SUPT3H: variants seen among roughly 807,000 people sequenced by gnomAD.
SUPT3H encodes transcription initiation protein SPT3 homolog.
Under a neutral mutation model 44.3 loss-of-function variants are expected in SUPT3H, and 44 were observed. The observed-to-expected ratio is 0.99, with a 90% CI of 0.78 to 1.28. SUPT3H has a LOEUF of 1.28. SUPT3H is among the 50% of genes most tolerant of loss of function. SUPT3H has a pLI of 0.00. For synonymous variants in SUPT3H, 124 were observed against 125.6 expected, an observed-to-expected ratio of 0.99 and a Z score of 0.09; for missense variants, 380 against 387.1, an observed-to-expected ratio of 0.98 and a Z score of 0.15.
intron 2 of SUPT3H, among the ~76,000 whole-genome samples, chr6:45,317,499 A>G (rs912911733): frequency 2.6e-5 from 4 of 152,166 alleles, no homozygotes; most frequent in African/African-American, 9.7e-5. Flanking sequence ...AAGCACACAC[A>G]CTAACGGAAC....
intron 2 of SUPT3H, among the ~76,000 whole-genome samples, chr6:45,180,434 A>T (rs1356033981): frequency 1.3e-5 from 2 of 149,998 alleles, no homozygotes; most frequent in Non-Finnish European, 3.0e-5. Context: ...AAAAGAACAA[A>T]GCTGGAGGCA....
At chr6:44,848,265 C>G (rs1772254051) in intron 10 of SUPT3H, among the ~76,000 whole-genome samples, 1 of 152,144 alleles carries the variant, frequency 6.6e-6, no homozygotes, top group Non-Finnish European at 1.5e-5. Context: ...CCACTGTACC[C>G]AGCCTGTGTC....
chr6:44,866,118 TTTTTTTTTTA>T (rs1775464837), intron 10 of SUPT3H, among the ~76,000 whole-genome samples: 1 of 147,160 alleles, frequency 6.8e-6, no homozygotes, highest in South Asian at 2.2e-4. Context: ...TTTTTTTTTT[TTTTTTTTTTA>T]AGCAAAGTAG....
At chr6:44,902,131 C>T (rs1167254501) in intron 10 of SUPT3H, among the ~76,000 whole-genome samples, 1 of 152,146 alleles carries the variant, frequency 6.6e-6, no homozygotes, top group Admixed American at 6.5e-5. Flanking sequence ...AGCAAAATCA[C>T]CAGCTAACAT....
At chr6:45,055,253 A>G (rs1222901436) in intron 3 of SUPT3H, among the ~76,000 whole-genome samples, 4 of 152,148 alleles carry the variant, frequency 2.6e-5, no homozygotes, top group Non-Finnish European at 5.9e-5. Flanking sequence ...GCCAAAAGCA[A>G]TCTACTAATT....
chr6:45,278,499 G>A (rs1777401010), intron 2 of SUPT3H, among the ~76,000 whole-genome samples: 1 of 152,064 alleles, frequency 6.6e-6, no homozygotes, highest in African/African-American at 2.4e-5. Context: ...TTTGGGCAAA[G>A]AAAAAGCCCA....
At chr6:45,199,258 T>C (rs1040740932) in intron 2 of SUPT3H, among the ~76,000 whole-genome samples, 2 of 151,108 alleles carry the variant, frequency 1.3e-5, no homozygotes, top group Non-Finnish European at 3.0e-5. Context: ...TATTTTTCCT[T>C]GCCAGAAAAA....
At chr6:45,018,581 C>G (rs550081797) in intron 4 of SUPT3H, among the ~76,000 whole-genome samples, 2 of 151,982 alleles carry the variant, frequency 1.3e-5, no homozygotes, top group East Asian at 1.9e-4. Context: ...TGTCAAAGGC[C>G]TTTTCTGCAT....
intron 3 of SUPT3H, among the ~76,000 whole-genome samples, chr6:45,065,480 T>C (rs1264798738): frequency 6.7e-6 from 1 of 149,842 alleles, no homozygotes; most frequent in Non-Finnish European, 1.5e-5. Context: ...CTGAAGGAAA[T>C]AGAGACACAA....
chr6:45,010,027 A>G (rs1783253442), intron 5 of SUPT3H, among the ~76,000 whole-genome samples: 1 of 152,142 alleles, frequency 6.6e-6, no homozygotes, highest in Non-Finnish European at 1.5e-5. Flanking sequence ...AATATTTTGT[A>G]ATTTTCAGTA....
At chr6:45,042,340 TTGAGCCTGAGAGGCAGAGGTCGCAG>T (rs1335853146) in intron 3 of SUPT3H, among the ~76,000 whole-genome samples, 2 of 152,164 alleles carry the variant, frequency 1.3e-5, no homozygotes, top group African/African-American at 2.4e-5. Flanking sequence ...GGAGAATTGC[TTGAGCCTGAGAGGCAGAGGTCGCAG>T]TGAGCCGACA....
At chr6:45,061,868 A>G (rs1792120843) in intron 3 of SUPT3H, among the ~76,000 whole-genome samples, 1 of 148,948 alleles carries the variant, frequency 6.7e-6, no homozygotes, top group Non-Finnish European at 1.5e-5. Flanking sequence ...CAATTGTGGT[A>G]CAGCCAGTTT....
At chr6:44,843,077 A>C (rs184355159) in intron 10 of SUPT3H, among the ~76,000 whole-genome samples, 1 of 152,222 alleles carries the variant, frequency 6.6e-6, no homozygotes, top group African/African-American at 2.4e-5. Flanking sequence ...ATAAAAGCCT[A>C]GTTTCAGGAC....
rs1026102221 is a variant in SUPT3H at position 44,906,947 on chromosome 6, G to A, written c.912+25706C>T. ...TCATAGACTTTCTGCTGGAATTTAAGGGTGTCTGATTAGATGTGGAATGTA... is the reference window on the plus strand; with the variant it reads ...TCATAGACTTTCTGCTGGAATTTAAAGGTGTCTGATTAGATGTGGAATGTA... On this transcript the variant is annotated intron_variant, in intron 10 of 10. Transcript: ENST00000371459. Among the ~76,000 whole-genome samples, 4 of 152,182 alleles carry A rather than the reference G, an allele frequency of 2.6e-5. 1 individual carries two copies. Among genetic ancestry groups the A allele is most frequent in the South Asian group, 4.1e-4 (2 of 4,836 alleles).
At chr6:44,986,453 C>T (rs1323718760) in intron 6 of SUPT3H, among the ~76,000 whole-genome samples, 1 of 152,122 alleles carries the variant, frequency 6.6e-6, no homozygotes, top group African/African-American at 2.4e-5. Context: ...GGTACTACTA[C>T]TACTAATACT....
intron 10 of SUPT3H, among the ~76,000 whole-genome samples, chr6:44,830,327 C>T (rs1239659506): frequency 1.3e-5 from 2 of 152,098 alleles, no homozygotes; most frequent in African/African-American, 4.8e-5. Context: ...GAGGCCTCTC[C>T]TCCTCCCTAA....
chr6:45,186,017 T>C (rs1814147241), intron 2 of SUPT3H, among the ~76,000 whole-genome samples: 1 of 152,152 alleles, frequency 6.6e-6, no homozygotes, highest in African/African-American at 2.4e-5. Context: ...GGGACCAATG[T>C]TAAACTCAAA....
chr6:44,823,023 C>T (rs1581828716), downstream of SUPT3H, among the ~76,000 whole-genome samples: 1 of 147,110 alleles, frequency 6.8e-6, no homozygotes, highest in South Asian at 2.1e-4. Flanking sequence ...GAGGCTGAGG[C>T]AGGAGAATTG....
chr6:45,026,534 T>C (rs1488997526), intron 3 of SUPT3H, among the ~76,000 whole-genome samples: 1 of 152,144 alleles, frequency 6.6e-6, no homozygotes, highest in Non-Finnish European at 1.5e-5. Context: ...AAATTTTATA[T>C]CTAATTTAAA....
Sources: allele counts gnomAD v4.1 joint callset (sites outside exome capture counted in the v4.1 genomes callset), GRCh38; gene constraint gnomAD v4.1.1; transcripts MANE v1.5; gene names NCBI Gene and HGNC (gene_info 2026-07-23, HGNC 2026-07-21).